Variants in KLF12 observed in about 807,000 individuals in gnomAD.
KLF12 encodes the protein KLF transcription factor 12.
Under a neutral mutation model 37.8 loss-of-function variants are expected in KLF12, and 9 were observed. The observed-to-expected ratio is 0.24, with a 90% CI of 0.14 to 0.42. The LOEUF is 0.42. Among genes scored for constraint, KLF12 ranks in the 10% least tolerant of loss-of-function variants. The pLI is 1.00. For missense variants in KLF12, 411 were observed against 516.0 expected (o/e 0.80, Z 1.97); for synonymous variants, 208 against 202.1 (o/e 1.03, Z -0.25).
rs575971374 is a variant in KLF12 at position 73,695,680 on chromosome 13, A to C, written c.1028-9T>G. 3.8e-5 allele frequency: 61 copies of C among 1,613,028 alleles called. No individual in the cohort carries two copies. Among genetic ancestry groups the C allele is most frequent in the Non-Finnish European group, 5.0e-5 (59 of 1,179,300 alleles). On this transcript the variant is annotated splice_polypyrimidine_tract_variant and intron_variant, in intron 7 of 7. Transcript: ENST00000377669. ...CTTGTAAGGTTTCTCTCCTGGAAGA[A>C]ACAAAGGAACACAAGCTTTGGTGCT...
At chr13:74,096,244 T>C (rs1875980951) in intron 1 of KLF12, among the ~76,000 whole-genome samples, 1 of 151,990 alleles carries the variant, frequency 6.6e-6, no homozygotes, top group Non-Finnish European at 1.5e-5. Context: ...ACTACAAGAG[T>C]TCATCATTCT....
Position 74,026,347 on chromosome 13 carries a change from T to A in KLF12, c.-31-31294A>T, listed in dbSNP as rs116015089. ...TAGTTGCATGCTTCTCTAATAGAAC[T>A]GTATGTAATTCCTTTATGTAAAGCC... On this transcript the variant is annotated intron_variant, in intron 1 of 7. Transcript: ENST00000377669. 9.9e-3 allele frequency among the ~76,000 whole-genome samples: 1,500 copies of A among 152,256 alleles called. 21 individuals carry two copies. The highest frequency in any genetic ancestry group is 0.056 in the East Asian group (290 of 5,178).
intron 5 of KLF12, among the ~76,000 whole-genome samples, chr13:73,789,282 G>A (rs1189525824): frequency 6.6e-6 from 1 of 152,100 alleles, no homozygotes; most frequent in Non-Finnish European, 1.5e-5. Flanking sequence ...CATGTTATCT[G>A]GACTTCACAA....
intron 5 of KLF12, among the ~76,000 whole-genome samples, chr13:73,765,573 G>A (rs1234556050): frequency 6.6e-6 from 1 of 152,186 alleles, no homozygotes; most frequent in Non-Finnish European, 1.5e-5. Context: ...TTTGAAGAAA[G>A]TAAAGTCAAT....
intron 7 of KLF12, among the ~76,000 whole-genome samples, chr13:73,707,503 C>T (rs919778664): frequency 2.0e-5 from 3 of 152,068 alleles, no homozygotes; most frequent in Non-Finnish European, 4.4e-5. Flanking sequence ...AAACAACTTA[C>T]GGGGAGAGGA....
At chr13:73,813,773 T>C (rs552924260) in intron 4 of KLF12, among the ~76,000 whole-genome samples, 3 of 152,328 alleles carry the variant, frequency 2.0e-5, no homozygotes, top group South Asian at 2.1e-4. Flanking sequence ...AAAGAAAGTA[T>C]ACGTATTTTT....
chr13:74,040,560 A>G (rs1163120801), intron 1 of KLF12, among the ~76,000 whole-genome samples: 2 of 150,068 alleles, frequency 1.3e-5, no homozygotes, highest in African/African-American at 2.5e-5. Flanking sequence ...GAATGCCTAC[A>G]AATTCTCACC....
intron 1 of KLF12, among the ~76,000 whole-genome samples, chr13:74,116,737 T>C (rs940988404): frequency 6.6e-6 from 1 of 152,218 alleles, no homozygotes; most frequent in Non-Finnish European, 1.5e-5. Context: ...CCTGAAATAA[T>C]TGTTCTATTC....
rs563674677 is a variant in KLF12 at position 73,988,603 on chromosome 13, T to C, written c.33+6387A>G. On this transcript the variant is annotated intron_variant, in intron 2 of 7. Coordinates refer to ENST00000377669, the MANE Select transcript of KLF12 (RefSeq NM_007249.5). ...TCCAATGTTATTTCCTCCAAGAGAATTGGCGATGATTCTATTCTTTATCAA... is the reference window on the plus strand; with the variant it reads ...TCCAATGTTATTTCCTCCAAGAGAACTGGCGATGATTCTATTCTTTATCAA... Among the ~76,000 whole-genome samples, 356 of 152,282 alleles carry C rather than the reference T, an allele frequency of 2.3e-3. 1 individual carries two copies. The highest frequency in any genetic ancestry group is 6.8e-3 in the Middle Eastern group (2 of 294).
chr13:73,863,406 T>C lies in KLF12; in HGVS notation c.124-17033A>G, dbSNP rs539988901. 2.0e-5 allele frequency among the ~76,000 whole-genome samples: 3 copies of C among 152,258 alleles called. No homozygotes were observed. The South Asian group carries it at 6.2e-4, about 32-fold the overall frequency. ...GTTCCGTGACCATAAGCAAATTTCT[T>C]ATCCTTCTAAACTTCAGTTATTTAC... On this transcript the variant is annotated intron_variant, in intron 3 of 7. Coordinates refer to ENST00000377669, the MANE Select transcript of KLF12 (RefSeq NM_007249.5).
intron 6 of KLF12, among the ~76,000 whole-genome samples, chr13:73,733,922 T>C (rs1363541844): frequency 6.6e-6 from 1 of 152,068 alleles, no homozygotes; most frequent in Non-Finnish European, 1.5e-5. Context: ...ACCCCAGTGG[T>C]CTCCTATTTC....
At chr13:73,823,245 C>G (rs1420009301) in intron 4 of KLF12, among the ~76,000 whole-genome samples, 1 of 151,466 alleles carries the variant, frequency 6.6e-6, no homozygotes, top group East Asian at 1.9e-4. Context: ...CAGCCCTAGT[C>G]TTAGGTACTT....
chr13:73,801,974 T>G (rs376777728), intron 5 of KLF12: 6 of 152,204 alleles, frequency 3.9e-5, no homozygotes, highest in Admixed American at 1.3e-4. Flanking sequence ...CACATTAGAA[T>G]GAGGCATGGC....
chr13:74,066,608 T>C (rs1873930798), intron 1 of KLF12, among the ~76,000 whole-genome samples: 1 of 152,160 alleles, frequency 6.6e-6, no homozygotes, highest in Non-Finnish European at 1.5e-5. Flanking sequence ...CAGCAAGCCA[T>C]GATCCAAACA....
At chr13:74,066,562 G>C (rs970457734) in intron 1 of KLF12, among the ~76,000 whole-genome samples, 4 of 152,126 alleles carry the variant, frequency 2.6e-5, no homozygotes, top group Admixed American at 1.3e-4. Flanking sequence ...GCTAAGGTGG[G>C]AGAACGACTT....
intron 1 of KLF12, among the ~76,000 whole-genome samples, chr13:74,056,273 C>T (rs1350420301): frequency 1.3e-5 from 2 of 152,142 alleles, no homozygotes; most frequent in African/African-American, 2.4e-5. Flanking sequence ...TACACAGCAG[C>T]CCATCAGTTA....
At chr13:73,797,451 C>G (rs554407934) in intron 5 of KLF12, among the ~76,000 whole-genome samples, 2 of 152,152 alleles carry the variant, frequency 1.3e-5, no homozygotes, top group Non-Finnish European at 2.9e-5. Context: ...CCCTTCAAGA[C>G]AGAATGCAGT....
chr13:74,030,186 A>G (rs1893078373), intron 1 of KLF12, among the ~76,000 whole-genome samples: 1 of 152,130 alleles, frequency 6.6e-6, no homozygotes. Context: ...GTGGGAGCAT[A>G]TTTTGTTTTA....
intron 1 of KLF12, among the ~76,000 whole-genome samples, chr13:74,026,049 C>A (rs1892968768): frequency 1.3e-5 from 2 of 151,884 alleles, no homozygotes; most frequent in African/African-American, 4.8e-5. Flanking sequence ...ATAATTTATG[C>A]CAATTATGGA....
Sources: allele counts gnomAD v4.1 joint callset (sites outside exome capture counted in the v4.1 genomes callset), GRCh38; gene constraint gnomAD v4.1.1; transcripts MANE v1.5; gene names NCBI Gene and HGNC (gene_info 2026-07-23, HGNC 2026-07-21).